Variants in STT3A observed in about 807,000 individuals in gnomAD.
The protein encoded by STT3A is STT3 oligosaccharyltransferase complex catalytic subunit A.
Under a neutral mutation model 89.2 loss-of-function variants are expected in STT3A, and 34 were observed. The ratio of observed to expected loss-of-function variants is 0.38; its 90% CI spans 0.29 to 0.51. STT3A has a LOEUF of 0.51. STT3A is among the 20% of genes least tolerant of loss of function. The pLI is 0.89. For synonymous variants in STT3A, 282 were observed against 310.3 expected (o/e 0.91, Z 0.96); for missense variants, 555 against 889.5 (o/e 0.62, Z 4.78).
intron 3 of STT3A, among the ~76,000 whole-genome samples, chr11:125,600,289 A>T (rs1939632847): frequency 6.6e-6 from 1 of 152,128 alleles, no homozygotes; most frequent in Admixed American, 6.5e-5. Context: ...ACCTCAGGTG[A>T]TCCACCTGCG....
intron 8 of STT3A, 83 bp from the exon 9 acceptor site, chr11:125,608,026 A>G (rs1391276267): frequency 2.8e-6 from 4 of 1,416,058 alleles, no homozygotes; most frequent in East Asian, 2.4e-5. Context: ...TTTGGTTTGA[A>G]CTAGATAAGA....
intron 15 of STT3A, among the ~76,000 whole-genome samples, chr11:125,616,146 A>G (rs1940174741): frequency 6.6e-6 from 1 of 152,194 alleles, no homozygotes; most frequent in Non-Finnish European, 1.5e-5. Flanking sequence ...CTCTGTATCC[A>G]TGGAGGATTG....
intron 16 of STT3A, among the ~76,000 whole-genome samples, chr11:125,619,072 T>C (rs1189030164): frequency 1.3e-5 from 2 of 149,028 alleles, no homozygotes; most frequent in Non-Finnish European, 3.0e-5. Context: ...TTTTTTGAGA[T>C]GAAGTCTTGT....
Position 125,620,933 on chromosome 11 carries a change from T to C in STT3A, c.*123T>C. ...GAACAAAACTGGATGGCATCAGAATTGTCTGGAAGTTTTGTCTTGGGCAGT... is the reference window on the plus strand; with the variant it reads ...GAACAAAACTGGATGGCATCAGAATCGTCTGGAAGTTTTGTCTTGGGCAGT... On this transcript the variant is annotated 3_prime_UTR_variant, in exon 18 of 18. Coordinates refer to ENST00000392708, the MANE Select transcript of STT3A (RefSeq NM_152713.5). The C allele has an allele frequency of 1.3e-6, 1 of 798,422 alleles. No homozygotes were observed. The highest frequency in any genetic ancestry group is 1.9e-6 in the Non-Finnish European group (1 of 520,588). 49.5% of individuals were successfully genotyped at this position (798,422 alleles called of 1,614,324 possible). A position where few individuals can be genotyped will look rare whatever the true frequency, so the allele number is the denominator to read the frequency against.
intron 16 of STT3A, 21 bp downstream of exon 16, chr11:125,618,582 T>C (rs776453538): frequency 2.8e-6 from 4 of 1,408,526 alleles, no homozygotes; most frequent in Non-Finnish European, 3.9e-6. Context: ...CATAATAATA[T>C]TAATAACAGT....
intron 15 of STT3A, among the ~76,000 whole-genome samples, chr11:125,617,187 TGAAC>T (rs1940203047): frequency 6.6e-6 from 1 of 152,252 alleles, no homozygotes; most frequent in South Asian, 2.1e-4. Flanking sequence ...ATGCAGACAC[TGAAC>T]GAAGATAGTA....
chr11:125,606,539 G>T (rs1028125778), intron 8 of STT3A, 74 bp downstream of exon 8: 1 of 1,480,318 alleles, frequency 6.8e-7, no homozygotes, highest in Non-Finnish European at 9.1e-7. Flanking sequence ...ATTTATCTTA[G>T]ATTCTGTTAA....
At chr11:125,598,133 A>T (rs1380497843) in intron 3 of STT3A, among the ~76,000 whole-genome samples, 1 of 152,098 alleles carries the variant, frequency 6.6e-6, no homozygotes, top group Admixed American at 6.5e-5. Context: ...AATCGCTTGA[A>T]CGCAGGAGGT....
chr11:125,599,013 C>T (rs549093352), intron 3 of STT3A, among the ~76,000 whole-genome samples: 3 of 152,300 alleles, frequency 2.0e-5, no homozygotes, highest in South Asian at 2.1e-4. Context: ...TCTGCTTTGT[C>T]GTCAAGAGCT....
At chr11:125,617,268 T>C (rs1214694396) in intron 15 of STT3A, among the ~76,000 whole-genome samples, 3 of 152,204 alleles carry the variant, frequency 2.0e-5, no homozygotes, top group Non-Finnish European at 4.4e-5. Flanking sequence ...TTGTTACTCA[T>C]AATAACAGCC....
intron 10 of STT3A, 149 bp downstream of exon 10, chr11:125,609,738 T>G (rs1939947345): frequency 6.9e-6 from 6 of 872,634 alleles, no homozygotes; most frequent in Non-Finnish European, 9.9e-6. Flanking sequence ...TTCTCATGTA[T>G]GAAGCTGAGC....
chr11:125,610,881 G>A (rs1290192405), intron 10 of STT3A: 2 of 152,198 alleles, frequency 1.3e-5, no homozygotes, highest in Non-Finnish European at 2.9e-5. Flanking sequence ...GACCAGCCTC[G>A]GTTATACAGC....
At chr11:125,619,889 C>A (rs2135950332) in intron 16 of STT3A, 122 bp from the exon 17 acceptor site, 1 of 837,082 alleles carries the variant, frequency 1.2e-6, no homozygotes, top group Non-Finnish European at 1.9e-6. Flanking sequence ...AGGCTCTACT[C>A]TCAACAAATT....
In STT3A at chr11:125,605,654, C is replaced by T. The variant is rs1199993766; in HGVS notation, c.534C>T (p.Leu178=). The change falls in exon 7 of 18, where the codon CTC becomes CTT. Residue 178 remains leucine (L), a synonymous_variant. Coordinates refer to ENST00000392708, the MANE Select transcript of STT3A (RefSeq NM_152713.5). ...GGATTGCCATCTTTTGCATGCTACTCACCTACTACATGTGGATCAAGGCAG... is the reference window on the plus strand; with the variant it reads ...GGATTGCCATCTTTTGCATGCTACTTACCTACTACATGTGGATCAAGGCAG... The part of the protein sequence containing the change: ...NEGIAIFCML[L]TYYMWIKAVK... 3.1e-6 allele frequency: 5 copies of T among 1,614,036 alleles called. No individual in the cohort carries two copies. The South Asian group carries it at 5.5e-5, about 18-fold the overall frequency.
At chr11:125,605,944 C>A (rs1939821542) in intron 7 of STT3A, among the ~76,000 whole-genome samples, 1 of 152,142 alleles carries the variant, frequency 6.6e-6, no homozygotes, top group African/African-American at 2.4e-5. Context: ...CTCTGTGTGA[C>A]CTTACAGTAG....
rs1411252623 is a variant in STT3A at position 125,601,065 on chromosome 11, G to A, written c.150-1238G>A. On this transcript the variant is annotated intron_variant, in intron 3 of 17. Transcript: ENST00000392708. ...GTCTTCCAAAGTGCCGGGCTTACAG[G>A]CATGAGCTGCCATGCCTGGCTGTAA... 2.6e-5 allele frequency among the ~76,000 whole-genome samples: 4 copies of A among 152,210 alleles called. 1 individual carries two copies. In the East Asian group the frequency reaches 7.7e-4, roughly 29 times the overall value.
At position 125,620,896 on chromosome 11, in the gene STT3A, T is replaced by C. The variant is rs912475184; in HGVS notation, c.*86T>C. On this transcript the variant is annotated 3_prime_UTR_variant, in exon 18 of 18. Transcript: ENST00000392708. ...TTTTTTTTTTTTTTTTTTTTTAATATGCAGTTTGTAAGAACAAAACTGGAT... is the reference window on the plus strand; with the variant it reads ...TTTTTTTTTTTTTTTTTTTTTAATACGCAGTTTGTAAGAACAAAACTGGAT... 28 of 1,192,014 alleles carry C rather than the reference T, an allele frequency of 2.3e-5. No homozygotes were observed. In the African/African-American group the frequency reaches 4.1e-4, roughly 18 times the overall value. The allele number at this position is 1,192,014 out of a possible 1,614,324, so 73.8% of individuals were successfully genotyped here. A position where few individuals can be genotyped will look rare whatever the true frequency, so the allele number is the denominator to read the frequency against.
chr11:125,602,489 C>T, intron 4 of STT3A, 65 bp downstream of exon 4: 1 of 1,455,304 alleles, frequency 6.9e-7, no homozygotes, highest in African/African-American at 1.4e-5. Flanking sequence ...GCTAGAGAAC[C>T]AGTTTCTTTT....
chr11:125,615,945 C>A lies in STT3A; in HGVS notation c.1774+1519C>A, dbSNP rs567554642. On this transcript the variant is annotated intron_variant, in intron 15 of 17. Coordinates refer to ENST00000392708, the MANE Select transcript of STT3A (RefSeq NM_152713.5). ...TCTCAGCTACTTGGGAGGCTGAGGC[C>A]AGATAATCACTTGAACCCAGGCAGC... Among the ~76,000 whole-genome samples the A allele has an allele frequency of 3.3e-5, 5 of 152,132 alleles. No homozygotes were observed. The South Asian group carries it at 1.0e-3, about 32-fold the overall frequency.
Sources: gnomAD v4.1 joint callset for allele counts (sites outside exome capture counted in the v4.1 genomes callset) on GRCh38, gnomAD v4.1.1 for gene constraint, MANE v1.5 for transcripts, NCBI Gene and HGNC (gene_info 2026-07-23, HGNC 2026-07-21) for gene names.